ANO4: variants seen among roughly 807,000 people sequenced by gnomAD.
The protein encoded by ANO4 is anoctamin 4.
A neutral mutation model predicts 141.9 loss-of-function variants in ANO4; 69 were observed. The observed-to-expected ratio is 0.49, with a 90% CI of 0.40 to 0.59. The LOEUF is 0.59. ANO4 is among the 20% of genes least tolerant of loss of function. The pLI is 0.00. For synonymous variants in ANO4, 350 were observed against 394.3 expected, an observed-to-expected ratio of 0.89 and a Z score of 1.33; for missense variants, 894 against 1,162.2, an observed-to-expected ratio of 0.77 and a Z score of 3.36.
chr12:101,006,118 A>G (rs1197299038), intron 8 of ANO4, among the ~76,000 whole-genome samples: 1 of 152,200 alleles, frequency 6.6e-6, no homozygotes, highest in Non-Finnish European at 1.5e-5. Flanking sequence ...GATGCAACCA[A>G]TAAATAAAAA....
intron 8 of ANO4, among the ~76,000 whole-genome samples, chr12:101,003,837 A>G (rs1409895116): frequency 6.6e-6 from 1 of 152,178 alleles, no homozygotes; most frequent in African/African-American, 2.4e-5. Context: ...CACCTAGCAT[A>G]TTTTTAGAAA....
At position 101,128,592 on chromosome 12, in the gene ANO4, G is replaced by A. The variant is rs767921219; in HGVS notation, c.*736G>A. The A allele has an allele frequency of 6.6e-6, 1 of 152,588 alleles. No homozygotes were observed. The highest frequency in any genetic ancestry group is 1.5e-5 in the Non-Finnish European group (1 of 68,042). 9.5% of individuals were successfully genotyped at this position (152,588 alleles called of 1,614,324 possible). ...GCCATGATTAATGCTTGTATAATGT[G>A]ATGCAATAAAATTTAAAATAAATTT... On this transcript the variant is annotated 3_prime_UTR_variant, in exon 28 of 28. Coordinates refer to ENST00000392977, the MANE Select transcript of ANO4 (RefSeq NM_001286615.2).
intron 2 of ANO4, among the ~76,000 whole-genome samples, chr12:100,921,348 A>G (rs2041623255): frequency 6.6e-6 from 1 of 152,130 alleles, no homozygotes; most frequent in African/African-American, 2.4e-5. Flanking sequence ...AATTTTGTAT[A>G]AGGCTGAGTA....
At chr12:101,070,958 C>T (rs2048784117) in intron 14 of ANO4, among the ~76,000 whole-genome samples, 1 of 152,130 alleles carries the variant, frequency 6.6e-6, no homozygotes, top group Non-Finnish European at 1.5e-5. Flanking sequence ...CAACTCAAAA[C>T]TACAATGAGA....
At chr12:101,120,969 A>T (rs1027039690) in intron 26 of ANO4, among the ~76,000 whole-genome samples, 1 of 152,098 alleles carries the variant, frequency 6.6e-6, no homozygotes, top group African/African-American at 2.4e-5. Context: ...CTTGTTTTTC[A>T]TGAGCTCGTT....
chr12:101,095,852 G>T (rs2049961503), intron 18 of ANO4, among the ~76,000 whole-genome samples: 1 of 152,208 alleles, frequency 6.6e-6, no homozygotes, highest in South Asian at 2.1e-4. Context: ...TCCATGTTTT[G>T]GTTCACACCA....
At chr12:100,816,006 G>A (rs374161800) in intron 1 of ANO4, among the ~76,000 whole-genome samples, 2 of 152,186 alleles carry the variant, frequency 1.3e-5, no homozygotes, top group African/African-American at 4.8e-5. Context: ...TAAAGACAAT[G>A]AAGTTAATTT....
intron 7 of ANO4, among the ~76,000 whole-genome samples, chr12:100,980,523 T>C (rs2044412211): frequency 6.6e-6 from 1 of 152,182 alleles, no homozygotes; most frequent in African/African-American, 2.4e-5. Context: ...AAAATTCCCG[T>C]CGTATGAAAT....
chr12:100,828,006 G>C (rs1275150186), intron 1 of ANO4, among the ~76,000 whole-genome samples: 1 of 151,964 alleles, frequency 6.6e-6, no homozygotes, highest in Non-Finnish European at 1.5e-5. Context: ...GTTATATCTA[G>C]AGTCTTAGTT....
At chr12:100,736,206 C>T (rs979421412) in intron 2 of ANO4, among the ~76,000 whole-genome samples, 2 of 152,104 alleles carry the variant, frequency 1.3e-5, no homozygotes, top group Non-Finnish European at 2.9e-5. Flanking sequence ...GTAGAGAATT[C>T]TCTTTTAAGG....
At chr12:100,863,490 A>G (rs1445778881) in intron 1 of ANO4, among the ~76,000 whole-genome samples, 2 of 152,168 alleles carry the variant, frequency 1.3e-5, no homozygotes, top group African/African-American at 4.8e-5. Context: ...TTCTGTAACA[A>G]TCTTACTCTT....
intron 1 of ANO4, among the ~76,000 whole-genome samples, chr12:100,849,963 A>C (rs7971552): frequency 0.043 from 6,473 of 152,114 alleles, 161 homozygotes; most frequent in Middle Eastern, 0.092. Context: ...GGTCTTTCAG[A>C]CTGTGCAATG....
At chr12:100,823,504 A>G (rs1162225104) in intron 1 of ANO4, among the ~76,000 whole-genome samples, 2 of 151,992 alleles carry the variant, frequency 1.3e-5, no homozygotes, top group African/African-American at 4.8e-5. Flanking sequence ...GAGTTGGGAC[A>G]TATATTGCTT....
intron 7 of ANO4, among the ~76,000 whole-genome samples, chr12:100,982,671 T>C (rs937901547): frequency 6.6e-6 from 1 of 152,234 alleles, no homozygotes; most frequent in Admixed American, 6.5e-5. Context: ...CCTTGTTCTA[T>C]GGATTCTGTT....
At chr12:100,903,758 C>T (rs189984020) in intron 2 of ANO4, among the ~76,000 whole-genome samples, 278 of 152,270 alleles carry the variant, frequency 1.8e-3, no homozygotes, top group Non-Finnish European at 2.8e-3. Context: ...TTCAACTGAC[C>T]TAGATTATCA....
At chr12:100,746,056 C>G (rs1430290099) in intron 3 of ANO4, among the ~76,000 whole-genome samples, 1 of 152,164 alleles carries the variant, frequency 6.6e-6, no homozygotes. Context: ...GCTAAGTGAT[C>G]ACTGGAGAGG....
intron 3 of ANO4, among the ~76,000 whole-genome samples, chr12:100,763,495 ACTAGCCCTTGCTGTG>A: frequency 6.6e-6 from 1 of 152,208 alleles, no homozygotes; most frequent in Non-Finnish European, 1.5e-5. Context: ...AGTGCTTTTG[ACTAGCCCTTGCTGTG>A]CTAGCCCAGC....
intron 1 of ANO4, among the ~76,000 whole-genome samples, chr12:100,868,189 A>G (rs976784465): frequency 5.9e-5 from 9 of 152,128 alleles, no homozygotes; most frequent in Admixed American, 6.5e-5. Flanking sequence ...ATAGGATGCT[A>G]TGTGGGAGGC....
chr12:100,987,683 T>C lies in ANO4; in HGVS notation c.734+13T>C, dbSNP rs745360682. ...AAAGGATCCATCAGTGAGTGTTCCA[T>C]GTTAAAGCCCCATCTCACTAAGGAT... On this transcript the variant is annotated intron_variant, in intron 8 of 27. Coordinates refer to ENST00000392977, the MANE Select transcript of ANO4 (RefSeq NM_001286615.2). 10 of 1,613,090 alleles carry C rather than the reference T, an allele frequency of 6.2e-6. No homozygotes were observed. The highest frequency in any genetic ancestry group is 4.0e-5 in the African/African-American group (3 of 74,888).
Sources: allele counts gnomAD v4.1 joint callset (sites outside exome capture counted in the v4.1 genomes callset), GRCh38; gene constraint gnomAD v4.1.1; transcripts MANE v1.5; gene names NCBI Gene and HGNC (gene_info 2026-07-23, HGNC 2026-07-21).